C22orf31: variants seen among roughly 807,000 people sequenced by gnomAD.
C22orf31 encodes the protein chromosome 22 open reading frame 31, also known as uncharacterized protein C22orf31.
C22orf31 carries 11 observed loss-of-function variants against 15.0 expected under a neutral mutation model. The ratio of observed to expected loss-of-function variants is 0.73; its 90% CI spans 0.46 to 1.21. The LOEUF is 1.21. Ranked by LOEUF, C22orf31 falls within the 50% of genes most tolerant of loss-of-function variation. The pLI, the probability that C22orf31 is intolerant of heterozygous loss-of-function variation, is 0.00. For missense variants in C22orf31, 340 were observed against 347.2 expected, an observed-to-expected ratio of 0.98 and a Z score of 0.17; for synonymous variants, 132 against 133.3, an observed-to-expected ratio of 0.99 and a Z score of 0.07.
the C22orf31 span, among the ~76,000 whole-genome samples, chr22:29,073,628 C>T: frequency 6.6e-5 from 10 of 152,134 alleles, no homozygotes; most frequent in South Asian, 6.2e-4. This position sits in a 1 kb window ranked among gnomAD's most constrained non-coding sequence, Gnocchi z 4.4. Flanking sequence ...CCCCTCTCCC[C>T]GGTACCTCCT....
At chr22:29,065,236 T>A (rs2123904175), upstream of C22orf31, among the ~76,000 whole-genome samples, 1 of 152,286 alleles carries the variant, frequency 6.6e-6, no homozygotes, top group South Asian at 2.1e-4. Context: ...AGTGATGTAA[T>A]GCAACATTTG....
upstream of C22orf31, among the ~76,000 whole-genome samples, chr22:29,066,520 CTTTCT>C (rs1400927215): frequency 8.4e-4 from 91 of 107,708 alleles, no homozygotes; most frequent in Non-Finnish European, 1.3e-3. Context: ...TTCTTTCTTT[CTTTCT>C]TTTCTTTTCT....
chr22:29,072,473 AT>A, the C22orf31 span, among the ~76,000 whole-genome samples: 1 of 152,166 alleles, frequency 6.6e-6, no homozygotes, highest in Non-Finnish European at 1.5e-5. Flanking sequence ...AGTAGCAGCT[AT>A]TATCACCTCC....
At chr22:29,059,337 C>T (rs2037356780) in intron 2 of C22orf31, among the ~76,000 whole-genome samples, 155 bp from the exon 3 acceptor site, 1 of 152,184 alleles carries the variant, frequency 6.6e-6, no homozygotes, top group Non-Finnish European at 1.5e-5. Context: ...GTACATACCA[C>T]TGCATGTGTT....
chr22:29,060,032 T>A (rs58968566), intron 2 of C22orf31: 19 of 907,734 alleles, frequency 2.1e-5, no homozygotes, highest in South Asian at 1.5e-4. Flanking sequence ...TTTTTTTTTT[T>A]TTTTTTTTTT....
In C22orf31 at chr22:29,060,313, G is replaced by A. The variant is rs111227078; in HGVS notation, c.432+102C>T. On this transcript the variant is annotated intron_variant, in intron 2 of 2. Coordinates refer to ENST00000216071, the MANE Select transcript of C22orf31 (RefSeq NM_015370.2). ...CTCCCAAAGTGCTGAGATTATAGGCGGTAGCCGCACGCCATATAATCTCAA... is the reference window on the plus strand; with the variant it reads ...CTCCCAAAGTGCTGAGATTATAGGCAGTAGCCGCACGCCATATAATCTCAA... 304 of 1,114,640 alleles carry A rather than the reference G, an allele frequency of 2.7e-4. 3 individuals carry two copies. The African/African-American group carries it at 3.4e-3, about 12-fold the overall frequency. The allele number at this position is 1,114,640 out of a possible 1,614,324, so 69.0% of individuals were successfully genotyped here.
At chr22:29,070,478 C>T in the C22orf31 span, among the ~76,000 whole-genome samples, 1 of 152,358 alleles carries the variant, frequency 6.6e-6, no homozygotes, top group African/African-American at 2.4e-5. Context: ...TGTTTCCAAC[C>T]TCCTGGGTGC....
the C22orf31 span, chr22:29,073,289 G>A: frequency 1.4e-6 from 1 of 730,894 alleles, no homozygotes; most frequent in Non-Finnish European, 1.8e-6. The surrounding 1 kb of genome is among the most constrained non-coding windows in gnomAD (Gnocchi z 4.4). Flanking sequence ...GGCGACAAGG[G>A]CCGGCCGGCC....
chr22:29,059,772 G>A, intron 2 of C22orf31: 3 of 985,240 alleles, frequency 3.0e-6, no homozygotes, highest in Non-Finnish European at 3.6e-6. Flanking sequence ...GTGTGTGTGT[G>A]TGTGTGTGTG....
At chr22:29,059,300 A>G (rs1009166351) in intron 2 of C22orf31, 118 bp from the exon 3 acceptor site, 9 of 765,868 alleles carry the variant, frequency 1.2e-5, no homozygotes, top group African/African-American at 1.7e-5. Context: ...TTTGTCTAGC[A>G]TGTTCTAGTT....
At position 29,060,405 on chromosome 22, in the gene C22orf31, C is replaced by G. The variant is rs746013490; in HGVS notation, c.432+10G>C. 1.9e-5 allele frequency: 31 copies of G among 1,604,100 alleles called. No homozygotes were observed. Among genetic ancestry groups the G allele is most frequent in the Admixed American group, 6.8e-5 (4 of 58,552 alleles). On this transcript the variant is annotated intron_variant, in intron 2 of 2. Transcript: ENST00000216071. ...CAGTCACATTTTCCCCACCACTGGT[C>G]CTCGTCTACCTCTCTGATGCCTCCT... is the stretch of plus-strand genomic sequence containing the variant.
chr22:29,072,325 TGTGTTGC>T, the C22orf31 span, among the ~76,000 whole-genome samples: 1 of 152,022 alleles, frequency 6.6e-6, no homozygotes, highest in African/African-American at 2.4e-5. Flanking sequence ...GGGGTCTCGC[TGTGTTGC>T]CCAGGTTGGT....
At chr22:29,071,509 C>A in the C22orf31 span, among the ~76,000 whole-genome samples, 7 of 152,298 alleles carry the variant, frequency 4.6e-5, no homozygotes, top group East Asian at 1.2e-3. Flanking sequence ...TCCCGCCCAG[C>A]CGCGCTCTGG....
the C22orf31 span, among the ~76,000 whole-genome samples, chr22:29,067,973 C>G: frequency 2.0e-5 from 3 of 152,052 alleles, no homozygotes; most frequent in Non-Finnish European, 4.4e-5. Flanking sequence ...GCTACTGAGT[C>G]TGAGGTGAGA....
Position 29,059,162 on chromosome 22 carries a change from C to A in C22orf31, c.453G>T (p.Glu151Asp), listed in dbSNP as rs1194906514. The A allele has an allele frequency of 6.2e-7, 1 of 1,607,648 alleles. No homozygotes were observed. Among genetic ancestry groups the A allele is most frequent in the African/African-American group, 1.3e-5 (1 of 74,578 alleles). The stretch of plus-strand genomic sequence containing the variant: ...GATCTTGGCGGACTGTTAGTTTTTT[C>A]TCCTTTGAACTTTCTTTACTCTAGC... Reference protein sequence around the residue: ...GIRESKESSKEKKLTVRQDLE... With the variant: ...GIRESKESSKDKKLTVRQDLE... The change falls in exon 3 of 3, where the codon GAG becomes GAT. Residue 151 changes from glutamate (E) to aspartate (D), a missense_variant. By Grantham distance (45) the Glu-to-Asp change is conservative. Coordinates refer to ENST00000216071, the MANE Select transcript of C22orf31 (RefSeq NM_015370.2).
At chr22:29,067,430 T>G in the C22orf31 span, among the ~76,000 whole-genome samples, 6 of 151,894 alleles carry the variant, frequency 4.0e-5, no homozygotes, top group Non-Finnish European at 7.4e-5. Context: ...ATTATTAATT[T>G]TCTTTTTTCT....
chr22:29,061,481 G>C (rs1173324359), intron 1 of C22orf31, among the ~76,000 whole-genome samples: 1 of 152,046 alleles, frequency 6.6e-6, no homozygotes, highest in Non-Finnish European at 1.5e-5. Flanking sequence ...GGTCAGGCTG[G>C]CCTCGAACTC....
the C22orf31 span, among the ~76,000 whole-genome samples, chr22:29,067,936 G>T: frequency 2.6e-5 from 4 of 152,098 alleles, no homozygotes; most frequent in African/African-American, 9.7e-5. Context: ...GAGGCATCAG[G>T]TACAGTAGCA....
In C22orf31 at chr22:29,060,036, TTTTTTTTA is replaced by T. The variant is rs1940824730; in HGVS notation, c.432+371_432+378del. 4.5e-6 allele frequency: 4 copies of T among 895,148 alleles called. No individual in the cohort carries two copies. The African/African-American group carries it at 6.1e-5, about 14-fold the overall frequency. 55.5% of individuals were successfully genotyped at this position (895,148 alleles called of 1,614,324 possible). On this transcript the variant is annotated intron_variant, in intron 2 of 2. Transcript: ENST00000216071. ...TTTTTCTTTTCTTTTTTTTTTTTTT[TTTTTTTTA>T]TTTTTTAGACAGGGTCTTGCTCTGT...
Sources: gnomAD v4.1 joint callset for allele counts (sites outside exome capture counted in the v4.1 genomes callset) on GRCh38, gnomAD v4.1.1 for gene constraint, Gnocchi (gnomAD v3.1) non-coding constraint, MANE v1.5 for transcripts, NCBI Gene and HGNC (gene_info 2026-07-23, HGNC 2026-07-21) for gene names.